DLG2: variants seen among roughly 807,000 people sequenced by gnomAD.
DLG2 encodes the protein disks large homolog 2.
In DLG2, 45 loss-of-function variants were observed where a neutral mutation model predicts 132.5. The observed-to-expected ratio is 0.34, with a 90% CI of 0.27 to 0.44. DLG2 has a LOEUF of 0.44. Ranked by LOEUF, DLG2 falls within the 20% of genes least tolerant of loss-of-function variation. The pLI, the probability that DLG2 is intolerant of heterozygous loss-of-function variation, is 1.00. For synonymous variants in DLG2, 424 were observed against 419.6 expected, an observed-to-expected ratio of 1.01 and a Z score of -0.13; for missense variants, 1,045 against 1,196.9, an observed-to-expected ratio of 0.87 and a Z score of 1.87.
rs187986495 is a variant in DLG2 at position 84,105,080 on chromosome 11, T to G, written c.625-6033A>C. Among the ~76,000 whole-genome samples the G allele has an allele frequency of 1.8e-3, 270 of 152,292 alleles. 2 individuals are homozygous for G. The highest frequency in any genetic ancestry group is 6.4e-3 in the African/African-American group (265 of 41,572). ...CTATTTTCTTTCCATTATATCACAT[T>G]GTCTCTTCTGAATTCAAAAACTAAT... On this transcript the variant is annotated intron_variant, in intron 9 of 27. Transcript: ENST00000376104.
At chr11:85,422,242 G>A (rs1019621617) in intron 3 of DLG2, among the ~76,000 whole-genome samples, 3 of 152,146 alleles carry the variant, frequency 2.0e-5, no homozygotes, top group Non-Finnish European at 4.4e-5. Context: ...CTCTAGCAAG[G>A]CCAGGAAAAT....
intron 3 of DLG2, among the ~76,000 whole-genome samples, chr11:85,394,963 G>C (rs1407719744): frequency 6.6e-6 from 1 of 152,118 alleles, no homozygotes; most frequent in East Asian, 1.9e-4. Context: ...GTATACTTTT[G>C]CACTATGATA....
intron 7 of DLG2, among the ~76,000 whole-genome samples, chr11:84,302,322 T>G (rs1049525759): frequency 3.3e-5 from 5 of 152,182 alleles, no homozygotes; most frequent in African/African-American, 1.2e-4. Flanking sequence ...GTTCTGCACA[T>G]GTATCCCAGA....
intron 6 of DLG2, among the ~76,000 whole-genome samples, chr11:84,884,410 G>A (rs1022606480): frequency 6.6e-6 from 1 of 151,980 alleles, no homozygotes; most frequent in Non-Finnish European, 1.5e-5. Flanking sequence ...AAAATGAAGG[G>A]TGATATGCTA....
chr11:84,393,341 A>G (rs956605113), intron 7 of DLG2, among the ~76,000 whole-genome samples: 2 of 152,172 alleles, frequency 1.3e-5, no homozygotes, highest in African/African-American at 2.4e-5. Context: ...AAGAGTATAT[A>G]AAATATGTGC....
intron 19 of DLG2, among the ~76,000 whole-genome samples, chr11:83,621,510 T>C (rs2061638066): frequency 6.6e-6 from 1 of 152,090 alleles, no homozygotes; most frequent in East Asian, 1.9e-4. Context: ...AAATGTGAAA[T>C]GATGCTACTT....
intron 3 of DLG2, among the ~76,000 whole-genome samples, chr11:85,316,116 CA>C (rs1162445957): frequency 6.6e-6 from 1 of 151,882 alleles, no homozygotes; most frequent in Non-Finnish European, 1.5e-5. Context: ...ACAGGTCAAA[CA>C]GAAGATTTTT....
intron 21 of DLG2, among the ~76,000 whole-genome samples, chr11:83,513,294 T>C (rs981073408): frequency 6.6e-6 from 1 of 152,250 alleles, no homozygotes. Context: ...ATGAGCATTT[T>C]TTCATGTGTC....
chr11:84,200,633 T>C (rs1169218632), intron 8 of DLG2, among the ~76,000 whole-genome samples: 1 of 152,234 alleles, frequency 6.6e-6, no homozygotes. Flanking sequence ...TGAGCAGTGG[T>C]TTGTAGTTCT....
chr11:84,612,464 C>T (rs1262380642), intron 6 of DLG2, among the ~76,000 whole-genome samples: 1 of 151,970 alleles, frequency 6.6e-6, no homozygotes, highest in Non-Finnish European at 1.5e-5. Context: ...AGTGGAATGA[C>T]TAAGTTGTTT....
intron 6 of DLG2, among the ~76,000 whole-genome samples, chr11:85,084,954 T>C (rs1365935829): frequency 6.6e-6 from 1 of 152,138 alleles, no homozygotes; most frequent in African/African-American, 2.4e-5. Context: ...ATAGCTTGAG[T>C]TGCTGAAATA....
At chr11:85,571,204 A>G (rs1000907318) in intron 3 of DLG2, among the ~76,000 whole-genome samples, 5 of 152,162 alleles carry the variant, frequency 3.3e-5, no homozygotes, top group Non-Finnish European at 7.4e-5. Flanking sequence ...AAAATTGGTC[A>G]CTTAAAATAT....
chr11:83,507,778 ATATATATATATATATATATATG>A (rs1050298550), intron 21 of DLG2, among the ~76,000 whole-genome samples: 1 of 127,884 alleles, frequency 7.8e-6, no homozygotes, highest in African/African-American at 3.1e-5. Flanking sequence ...ATATATATAT[ATATATATATATATATATATATG>A]TATATATGAG....
intron 14 of DLG2, among the ~76,000 whole-genome samples, chr11:83,938,698 A>C (rs1224811359): frequency 1.3e-5 from 2 of 152,208 alleles, no homozygotes; most frequent in Non-Finnish European, 2.9e-5. Flanking sequence ...ATAGTAAAAC[A>C]ATTTAAAAAA....
intron 19 of DLG2, among the ~76,000 whole-genome samples, chr11:83,625,152 A>AG (rs1317390498): frequency 2.0e-5 from 3 of 152,210 alleles, no homozygotes; most frequent in African/African-American, 4.8e-5. Context: ...AGTACTGGGC[A>AG]GGGGGGTGCA....
At chr11:85,592,968 A>G (rs989455070) in intron 3 of DLG2, among the ~76,000 whole-genome samples, 4 of 151,694 alleles carry the variant, frequency 2.6e-5, no homozygotes, top group East Asian at 1.9e-4. Flanking sequence ...GAAAAGAAAA[A>G]AAAAGAAAAG....
At chr11:85,181,476 C>G (rs72945940) in intron 4 of DLG2, among the ~76,000 whole-genome samples, 1 of 151,708 alleles carries the variant, frequency 6.6e-6, no homozygotes, top group Non-Finnish European at 1.5e-5. Context: ...CTATGACTTA[C>G]TCTCTGAAAA....
At chr11:85,108,414 A>G (rs974038141) in intron 6 of DLG2, among the ~76,000 whole-genome samples, 2 of 152,086 alleles carry the variant, frequency 1.3e-5, no homozygotes, top group Non-Finnish European at 2.9e-5. Flanking sequence ...GACAGCCAAG[A>G]CACTCTCTTA....
intron 5 of DLG2, among the ~76,000 whole-genome samples, chr11:85,114,367 T>A (rs2073229630): frequency 6.6e-6 from 1 of 151,958 alleles, no homozygotes; most frequent in Non-Finnish European, 1.5e-5. Flanking sequence ...GGGAGAACAT[T>A]AGAATTCCCT....
Sources: allele counts gnomAD v4.1 joint callset (sites outside exome capture counted in the v4.1 genomes callset), GRCh38; gene constraint gnomAD v4.1.1; transcripts MANE v1.5; gene names NCBI Gene and HGNC (gene_info 2026-07-23, HGNC 2026-07-21).